Variants in DOK6 observed in about 807,000 individuals in gnomAD.
The protein encoded by DOK6 is downstream of tyrosine kinase 6.
A neutral mutation model predicts 44.0 loss-of-function variants in DOK6; 22 were observed. That is an observed-to-expected ratio of 0.50 (90% CI 0.36 to 0.71). The LOEUF (loss-of-function observed/expected upper bound fraction) is 0.71, where lower values mean the gene tolerates loss of function less well. DOK6 is among the 30% of genes least tolerant of loss of function. The pLI is 0.00. For synonymous variants in DOK6, 166 were observed against 145.5 expected, an observed-to-expected ratio of 1.14 and a Z score of -1.01; for missense variants, 340 against 416.4, an observed-to-expected ratio of 0.82 and a Z score of 1.60.
intron 2 of DOK6, among the ~76,000 whole-genome samples, chr18:69,598,781 C>A (rs563410414): frequency 7.9e-5 from 12 of 151,752 alleles, no homozygotes; most frequent in African/African-American, 2.9e-4. Context: ...TATTAATTGC[C>A]CAATAAATAA....
At chr18:69,445,846 A>G (rs12607543) in intron 1 of DOK6, among the ~76,000 whole-genome samples, 23,234 of 152,120 alleles carry the variant, frequency 0.15, 1,914 homozygotes, top group Middle Eastern at 0.31. Flanking sequence ...TGACTGCATC[A>G]TTGCAATCTA....
intron 7 of DOK6, among the ~76,000 whole-genome samples, chr18:69,814,516 A>G (rs943782160): frequency 6.6e-6 from 1 of 152,108 alleles, no homozygotes; most frequent in African/African-American, 2.4e-5. Context: ...TCATGCTTAT[A>G]TTAGTCCATT....
At chr18:69,607,225 T>C (rs1475230074) in intron 3 of DOK6, among the ~76,000 whole-genome samples, 1 of 152,206 alleles carries the variant, frequency 6.6e-6, no homozygotes, top group Non-Finnish European at 1.5e-5. Flanking sequence ...GAGTGAGCAG[T>C]TTCCTGGTAG....
Position 69,477,409 on chromosome 18 carries a change from T to G in DOK6, c.66+76099T>G, listed in dbSNP as rs78688293. Among the ~76,000 whole-genome samples the G allele has an allele frequency of 2.3e-3, 349 of 152,316 alleles. 1 individual carries two copies. The highest frequency in any genetic ancestry group is 4.1e-3 in the Non-Finnish European group (276 of 68,014). On this transcript the variant is annotated intron_variant, in intron 1 of 7. Coordinates refer to ENST00000382713, the MANE Select transcript of DOK6 (RefSeq NM_152721.6). Reference sequence around the variant, plus strand: ...TGTATGTTTTAAATTTTTGATCAAATAAAGCTATGTCTCTAATTGTATTTC... The same window carrying G: ...TGTATGTTTTAAATTTTTGATCAAAGAAAGCTATGTCTCTAATTGTATTTC...
At chr18:69,615,027 G>A (rs1228884991) in intron 3 of DOK6, among the ~76,000 whole-genome samples, 1 of 151,968 alleles carries the variant, frequency 6.6e-6, no homozygotes, top group African/African-American at 2.4e-5. Flanking sequence ...TCATCTTTAT[G>A]GCCACAAAGC....
chr18:69,441,780 G>C (rs1385064462), intron 1 of DOK6, among the ~76,000 whole-genome samples: 1 of 152,152 alleles, frequency 6.6e-6, no homozygotes, highest in Non-Finnish European at 1.5e-5. Context: ...AGCACAATAG[G>C]TGTTTTATGA....
At chr18:69,658,129 AT>A (rs1344395809) in intron 3 of DOK6, among the ~76,000 whole-genome samples, 1 of 151,626 alleles carries the variant, frequency 6.6e-6, no homozygotes, top group Admixed American at 6.6e-5. Context: ...TTAATTCGTC[AT>A]TTGTTGAGAT....
In DOK6 at chr18:69,738,959, T is replaced by C. The variant is rs377558281; in HGVS notation, c.600-6T>C. 2 of 1,613,584 alleles carry C rather than the reference T, an allele frequency of 1.2e-6. No individual in the cohort carries two copies. Among genetic ancestry groups the C allele is most frequent in the African/African-American group, 2.7e-5 (2 of 74,910 alleles). On this transcript the variant is annotated splice_polypyrimidine_tract_variant and splice_region_variant and intron_variant, in intron 5 of 7. Transcript: ENST00000382713. ...CCCATCTCTTTCCCTATCTCTATTC[T>C]CACAGAATGTGTGACACAGGAGAAG...
chr18:69,671,739 A>G (rs1184858030), intron 3 of DOK6, among the ~76,000 whole-genome samples: 1 of 152,234 alleles, frequency 6.6e-6, no homozygotes, highest in Non-Finnish European at 1.5e-5. Context: ...ATCCTCCAAG[A>G]GACTACTCAC....
At chr18:69,741,101 A>T (rs1722481346) in intron 6 of DOK6, among the ~76,000 whole-genome samples, 3 of 152,188 alleles carry the variant, frequency 2.0e-5, no homozygotes, top group Admixed American at 6.5e-5. Context: ...TGTACACCAC[A>T]GGCGTGGGTG....
intron 1 of DOK6, among the ~76,000 whole-genome samples, chr18:69,487,040 T>A (rs1980595628): frequency 1.3e-5 from 2 of 152,184 alleles, no homozygotes; most frequent in African/African-American, 4.8e-5. Context: ...ACCCTGCCTT[T>A]CCTGTCAGGG....
At chr18:69,583,836 A>C (rs747807049) in intron 2 of DOK6, among the ~76,000 whole-genome samples, 15 of 151,914 alleles carry the variant, frequency 9.9e-5, no homozygotes, top group Non-Finnish European at 1.6e-4. Context: ...GGGCTGGGCG[A>C]GGTGGCTCAC....
At chr18:69,782,536 A>G (rs947646006) in intron 7 of DOK6, among the ~76,000 whole-genome samples, 62 of 151,966 alleles carry the variant, frequency 4.1e-4, no homozygotes, top group African/African-American at 1.4e-3. Context: ...CTAAAGCTTC[A>G]TGCATCTTCC....
chr18:69,538,984 G>C (rs1380707224), intron 1 of DOK6, among the ~76,000 whole-genome samples: 1 of 152,174 alleles, frequency 6.6e-6, no homozygotes, highest in East Asian at 1.9e-4. Context: ...GAGCAGATGT[G>C]AGAATTGAGG....
At chr18:69,769,136 T>C (rs1467770254) in intron 7 of DOK6, among the ~76,000 whole-genome samples, 3 of 152,032 alleles carry the variant, frequency 2.0e-5, no homozygotes, top group African/African-American at 7.2e-5. Flanking sequence ...GAAAGAGGAG[T>C]TTGATATGAA....
chr18:69,753,913 T>A (rs551128230), intron 6 of DOK6, among the ~76,000 whole-genome samples: 1 of 152,308 alleles, frequency 6.6e-6, no homozygotes, highest in South Asian at 2.1e-4. Flanking sequence ...TGTATCCATC[T>A]TGTTTAATTT....
At chr18:69,702,866 C>T (rs561271916) in intron 5 of DOK6, among the ~76,000 whole-genome samples, 4 of 152,178 alleles carry the variant, frequency 2.6e-5, no homozygotes, top group East Asian at 3.9e-4. Flanking sequence ...GCCTAAAAGG[C>T]GACCAAAACT....
In DOK6 at chr18:69,801,218, A is replaced by C. The variant is rs72951582; in HGVS notation, c.857-40026A>C. Among the ~76,000 whole-genome samples, 564 of 152,246 alleles carry C rather than the reference A, an allele frequency of 3.7e-3. 2 individuals carry two copies. The highest frequency in any genetic ancestry group is 6.0e-3 in the Admixed American group (92 of 15,274). On this transcript the variant is annotated intron_variant, in intron 7 of 7. Transcript: ENST00000382713. The stretch of plus-strand genomic sequence containing the variant: ...CCTTGGGCATTTTCCCCAATCATGA[A>C]TGTTCTTAAACAACATCATTTATAA...
intron 3 of DOK6, among the ~76,000 whole-genome samples, chr18:69,658,284 C>T (rs1356960132): frequency 1.3e-5 from 2 of 152,202 alleles, no homozygotes; most frequent in African/African-American, 2.4e-5. Flanking sequence ...GGCTGGATTG[C>T]TGGGTTTGAC....
Sources: allele counts gnomAD v4.1 joint callset (sites outside exome capture counted in the v4.1 genomes callset), GRCh38; gene constraint gnomAD v4.1.1; transcripts MANE v1.5; gene names NCBI Gene and HGNC (gene_info 2026-07-23, HGNC 2026-07-21).